SFRP1: variants seen among roughly 807,000 people sequenced by gnomAD.
The protein encoded by SFRP1 is secreted frizzled-related protein 1.
In SFRP1, 9 loss-of-function variants were observed where a neutral mutation model predicts 25.9. That is an observed-to-expected ratio of 0.35 (90% CI 0.21 to 0.61). The LOEUF (loss-of-function observed/expected upper bound fraction) is 0.61. Among genes scored for constraint, SFRP1 ranks in the 20% least tolerant of loss-of-function variants. SFRP1 has a pLI of 0.78. For synonymous variants in SFRP1, 178 were observed against 174.0 expected, an observed-to-expected ratio of 1.02 and a Z score of -0.18; for missense variants, 346 against 418.2, an observed-to-expected ratio of 0.83 and a Z score of 1.51.
intron 2 of SFRP1, among the ~76,000 whole-genome samples, chr8:41,301,120 G>C (rs1372059758): frequency 6.6e-6 from 1 of 152,166 alleles, no homozygotes; most frequent in Non-Finnish European, 1.5e-5. Context: ...AGGGGGACGA[G>C]GGTGCTGCTT....
At chr8:41,308,418 G>A (rs1335238226) in intron 1 of SFRP1, among the ~76,000 whole-genome samples, 198 bp downstream of exon 1, 5 of 152,256 alleles carry the variant, frequency 3.3e-5, no homozygotes, top group African/African-American at 1.2e-4. Context: ...CACCTGGGTC[G>A]CGAGGGGCGC....
intron 2 of SFRP1, among the ~76,000 whole-genome samples, chr8:41,275,928 T>A (rs1458488372): frequency 6.6e-6 from 1 of 152,174 alleles, no homozygotes; most frequent in Non-Finnish European, 1.5e-5. Context: ...TTAATTTTTG[T>A]GTAGAAACAG....
At chr8:41,300,475 C>T (rs1803900731) in intron 2 of SFRP1, among the ~76,000 whole-genome samples, 1 of 152,188 alleles carries the variant, frequency 6.6e-6, no homozygotes, top group Non-Finnish European at 1.5e-5. Flanking sequence ...CTGAACTCTC[C>T]TAGCAGAAGT....
At position 41,291,979 on chromosome 8, in the gene SFRP1, A is replaced by G. The variant is rs142068079; in HGVS notation, c.622+11482T>C. Among the ~76,000 whole-genome samples, 431 of 151,504 alleles carry G rather than the reference A, an allele frequency of 2.8e-3. 3 individuals carry two copies. The highest frequency in any genetic ancestry group is 6.2e-3 in the Admixed American group (94 of 15,228). ...TGGCCAGGGGCACCCCAATACAGACACCCTCACCCTCTCCTCCAAAACTCA... is the reference window on the plus strand; with the variant it reads ...TGGCCAGGGGCACCCCAATACAGACGCCCTCACCCTCTCCTCCAAAACTCA... On this transcript the variant is annotated intron_variant, in intron 2 of 2. Coordinates refer to ENST00000220772, the MANE Select transcript of SFRP1 (RefSeq NM_003012.5).
rs561965318 is a variant in SFRP1 at position 41,290,886 on chromosome 8, C to CTTTTTTTTTTTTTTTTTTTTTTTTTTTTT, written c.622+12546_622+12574dup. On this transcript the variant is annotated intron_variant, in intron 2 of 2. Coordinates refer to ENST00000220772, the MANE Select transcript of SFRP1 (RefSeq NM_003012.5). ...GTCTTCTTCTCCTCCTCTTCCTCGT[C>CTTTTTTTTTTTTTTTTTTTTTTTTTTTTT]TTTTTTTTTTTTTTTTTTTTTTTTT... Among the ~76,000 whole-genome samples the CTTTTTTTTTTTTTTTTTTTTTTTTTTTTT allele has an allele frequency of 5.6e-5, 3 of 53,894 alleles. 1 individual carries two copies. The highest frequency in any genetic ancestry group is 8.1e-5 in the Non-Finnish European group (2 of 24,598). The allele number at this position is 53,894 out of a possible 152,430, so 35.4% of individuals were successfully genotyped here. A position where few individuals can be genotyped will look rare whatever the true frequency, so the allele number is the denominator to read the frequency against.
intron 2 of SFRP1, among the ~76,000 whole-genome samples, chr8:41,285,985 A>G (rs1803695966): frequency 8.0e-6 from 1 of 124,756 alleles, no homozygotes; most frequent in African/African-American, 3.0e-5. Context: ...CAACGTTTCC[A>G]CTCCAACCCA....
intron 2 of SFRP1, among the ~76,000 whole-genome samples, chr8:41,273,773 T>G (rs1308508981): frequency 6.6e-6 from 1 of 152,114 alleles, no homozygotes; most frequent in Non-Finnish European, 1.5e-5. Flanking sequence ...GATTGAGGGA[T>G]GCTGAGAAGG....
intron 2 of SFRP1, among the ~76,000 whole-genome samples, chr8:41,277,777 A>G (rs1006063356): frequency 1.1e-4 from 16 of 152,176 alleles, no homozygotes; most frequent in Non-Finnish European, 1.9e-4. Context: ...AATTAAAAAA[A>G]TGTTCTTTAG....
intron 1 of SFRP1, among the ~76,000 whole-genome samples, chr8:41,305,763 A>AT (rs1481213331): frequency 6.6e-6 from 1 of 152,210 alleles, no homozygotes; most frequent in Admixed American, 6.5e-5. Context: ...GGATTAAGTG[A>AT]TTTTTGTGAT....
chr8:41,272,784 A>C (rs1033137131), intron 2 of SFRP1, among the ~76,000 whole-genome samples: 1 of 152,244 alleles, frequency 6.6e-6, no homozygotes, highest in African/African-American at 2.4e-5. Flanking sequence ...ACAAGAAAAC[A>C]AACGGCAGAA....
Position 41,295,503 on chromosome 8 carries a change from T to C in SFRP1, c.622+7958A>G, listed in dbSNP as rs1253313108. On this transcript the variant is annotated intron_variant, in intron 2 of 2. Transcript: ENST00000220772. Reference sequence around the variant, plus strand: ...AAGATCACACCACTGCACACCAGCCTCAGCGACAAGAGCAAGAGGCTGTCT... The same window carrying C: ...AAGATCACACCACTGCACACCAGCCCCAGCGACAAGAGCAAGAGGCTGTCT... Among the ~76,000 whole-genome samples the C allele has an allele frequency of 4.0e-5, 6 of 148,956 alleles. No homozygotes were observed. In the East Asian group the frequency reaches 1.2e-3, roughly 29 times the overall value.
At chr8:41,295,426 G>A (rs1803831956) in intron 2 of SFRP1, among the ~76,000 whole-genome samples, 1 of 152,016 alleles carries the variant, frequency 6.6e-6, no homozygotes, top group Admixed American at 6.6e-5. Flanking sequence ...GTACTCGGGA[G>A]GCCGAGGCAG....
In SFRP1 at chr8:41,265,130, C is replaced by A; in HGVS notation, c.*37G>T. 1 of 553,672 alleles carries A rather than the reference C, an allele frequency of 1.8e-6. No homozygotes were observed. The highest frequency in any genetic ancestry group is 2.1e-5 in the South Asian group (1 of 47,782). The allele number at this position is 553,672 out of a possible 1,614,324, so 34.3% of individuals were successfully genotyped here. ...GGCACTGTCCCCCCCGCTCCCACCCCACCCGAGGCTCCCTCCCCACCCTGC... is the reference window on the plus strand; with the variant it reads ...GGCACTGTCCCCCCCGCTCCCACCCAACCCGAGGCTCCCTCCCCACCCTGC... On this transcript the variant is annotated 3_prime_UTR_variant, in exon 3 of 3. Transcript: ENST00000220772.
At chr8:41,306,450 T>A (rs1167410520) in intron 1 of SFRP1, among the ~76,000 whole-genome samples, 1 of 151,996 alleles carries the variant, frequency 6.6e-6, no homozygotes. Context: ...ATCAGTAGTC[T>A]GGTTTGTCTT....
chr8:41,274,646 T>C (rs1284643177), intron 2 of SFRP1, among the ~76,000 whole-genome samples: 1 of 152,326 alleles, frequency 6.6e-6, no homozygotes, highest in African/African-American at 2.4e-5. Context: ...TCCAGTTTGC[T>C]GAATATGAAG....
At chr8:41,278,917 C>T (rs1174550373) in intron 2 of SFRP1, among the ~76,000 whole-genome samples, 1 of 152,098 alleles carries the variant, frequency 6.6e-6, no homozygotes, top group Non-Finnish European at 1.5e-5. Flanking sequence ...ATCATGTTCT[C>T]GGTTTGTCCT....
chr8:41,304,989 G>T (rs1803975403), intron 1 of SFRP1, among the ~76,000 whole-genome samples: 1 of 152,116 alleles, frequency 6.6e-6, no homozygotes, highest in Admixed American at 6.5e-5. Flanking sequence ...TTTGCACCCA[G>T]AACTTGAGAC....
chr8:41,292,121 C>T (rs1462071096), intron 2 of SFRP1, among the ~76,000 whole-genome samples: 3 of 152,236 alleles, frequency 2.0e-5, no homozygotes, highest in Non-Finnish European at 4.4e-5. Context: ...CTCCTGGACT[C>T]AGGTGTGCAG....
chr8:41,277,212 C>T (rs560772305), intron 2 of SFRP1, among the ~76,000 whole-genome samples: 1 of 149,786 alleles, frequency 6.7e-6, no homozygotes, highest in African/African-American at 2.5e-5. Context: ...CTTCCACCCC[C>T]AGCCCCCCAC....
Sources: gnomAD v4.1 joint callset for allele counts (sites outside exome capture counted in the v4.1 genomes callset) on GRCh38, gnomAD v4.1.1 for gene constraint, MANE v1.5 for transcripts, NCBI Gene and HGNC (gene_info 2026-07-23, HGNC 2026-07-21) for gene names.